The following KCNH1 variants were observed in gnomAD, a reference collection of about 807,000 sequenced individuals.
The protein encoded by KCNH1 is voltage-gated delayed rectifier potassium channel KCNH1.
In KCNH1, 27 loss-of-function variants were observed where a neutral mutation model predicts 69.2. The observed-to-expected ratio is 0.39, with a 90% confidence interval of 0.29 to 0.54. The LOEUF (loss-of-function observed/expected upper bound fraction) is 0.54, where lower values mean the gene tolerates loss of function less well. Ranked by LOEUF, KCNH1 falls within the 20% of genes least tolerant of loss-of-function variation. The probability of loss-of-function intolerance (pLI) is 0.68; values close to 1 mark genes in which losing one functional copy is unlikely to be tolerated. For synonymous variants in KCNH1, 456 were observed against 487.7 expected (o/e 0.93, Z 0.86); for missense variants, 798 against 1,261.6 (o/e 0.63, Z 5.57).
At chr1:211,044,246 C>G (rs558480042) in intron 5 of KCNH1, among the ~76,000 whole-genome samples, 1 of 152,144 alleles carries the variant, frequency 6.6e-6, no homozygotes, top group South Asian at 2.1e-4. Flanking sequence ...AGTAAAGTGT[C>G]CAGATACAAA....
rs112111849 is a variant in KCNH1 at position 210,757,843 on chromosome 1, T to C, written c.2112+17505A>G. 1.2e-3 allele frequency among the ~76,000 whole-genome samples: 179 copies of C among 152,330 alleles called. 1 individual carries two copies. The highest frequency in any genetic ancestry group is 4.1e-3 in the African/African-American group (170 of 41,572). ...AAATACCATCAGCTATCAAGCCCTGTGGGGGCTCCATAAAGCCTGGATACC... is the reference window on the plus strand; with the variant it reads ...AAATACCATCAGCTATCAAGCCCTGCGGGGGCTCCATAAAGCCTGGATACC... On this transcript the variant is annotated intron_variant, in intron 10 of 10. Coordinates refer to ENST00000271751, the MANE Select transcript of KCNH1 (RefSeq NM_172362.3).
intron 5 of KCNH1, among the ~76,000 whole-genome samples, chr1:211,030,017 G>A (rs1429948333): frequency 6.6e-6 from 1 of 152,146 alleles, no homozygotes; most frequent in Non-Finnish European, 1.5e-5. Context: ...AGAGATTAAA[G>A]AAATGGAGAG....
chr1:211,104,891 G>A (rs1691324368), intron 2 of KCNH1, among the ~76,000 whole-genome samples: 1 of 152,128 alleles, frequency 6.6e-6, no homozygotes, highest in African/African-American at 2.4e-5. Flanking sequence ...GAACCTCAGG[G>A]GTTATCAAGT....
At chr1:211,103,697 T>G in intron 2 of KCNH1, 95 bp from the exon 3 acceptor site, 1 of 763,638 alleles carries the variant, frequency 1.3e-6, no homozygotes, top group South Asian at 1.8e-5. Flanking sequence ...CACTGTGCTA[T>G]GTACTGTGGA....
At chr1:211,099,327 T>G (rs1207520480) in intron 3 of KCNH1, among the ~76,000 whole-genome samples, 1 of 152,152 alleles carries the variant, frequency 6.6e-6, no homozygotes, top group Non-Finnish European at 1.5e-5. Context: ...TTATATTTTT[T>G]GCATGCATTC....
At chr1:210,970,165 G>T (rs1461410242) in intron 6 of KCNH1, among the ~76,000 whole-genome samples, 1 of 151,892 alleles carries the variant, frequency 6.6e-6, no homozygotes, top group Non-Finnish European at 1.5e-5. Context: ...TGTCACATAG[G>T]TATACCTGTG....
chr1:210,915,681 G>T (rs1687320551), intron 7 of KCNH1, among the ~76,000 whole-genome samples: 1 of 152,150 alleles, frequency 6.6e-6, no homozygotes, highest in African/African-American at 2.4e-5. Flanking sequence ...ACTCATTTTA[G>T]TCAACTGTTT....
intron 7 of KCNH1, chr1:210,861,392 A>T (rs895696892): frequency 1.3e-6 from 1 of 778,096 alleles, no homozygotes; most frequent in East Asian, 2.4e-5. Context: ...ACCAACAACA[A>T]ATTCCTTCAG....
At chr1:211,025,952 T>C (rs1689675247) in intron 5 of KCNH1, among the ~76,000 whole-genome samples, 1 of 152,186 alleles carries the variant, frequency 6.6e-6, no homozygotes, top group Non-Finnish European at 1.5e-5. Flanking sequence ...TCACCAATAG[T>C]CTGGGCTTCT....
intron 7 of KCNH1, among the ~76,000 whole-genome samples, chr1:210,917,389 G>T (rs1026613760): frequency 6.6e-6 from 1 of 151,990 alleles, no homozygotes; most frequent in African/African-American, 2.4e-5. Flanking sequence ...CAGAAGGTGG[G>T]AAGAGAAAAG....
intron 7 of KCNH1, among the ~76,000 whole-genome samples, chr1:210,813,101 T>G (rs142983890): frequency 1.7e-3 from 257 of 152,316 alleles, no homozygotes; most frequent in Non-Finnish European, 3.1e-3. Context: ...ACATAGAGAC[T>G]CCTGATGTTA....
At chr1:210,872,062 T>C (rs1326547713) in intron 7 of KCNH1, among the ~76,000 whole-genome samples, 2 of 141,446 alleles carry the variant, frequency 1.4e-5, no homozygotes, top group African/African-American at 5.3e-5. Context: ...TAATAATAAA[T>C]TAAAAAAAAC....
intron 6 of KCNH1, among the ~76,000 whole-genome samples, chr1:210,965,577 C>G (rs10863871): frequency 2.0e-5 from 3 of 151,436 alleles, no homozygotes; most frequent in African/African-American, 7.3e-5. Context: ...ACTATACTAC[C>G]AACTATACAC....
intron 6 of KCNH1, among the ~76,000 whole-genome samples, chr1:210,999,896 A>G (rs1487135161): frequency 6.6e-6 from 1 of 152,254 alleles, no homozygotes; most frequent in Non-Finnish European, 1.5e-5. Context: ...GCATATAAAC[A>G]GAACCAAAGA....
In KCNH1 at chr1:210,917,231, GAAAGAAAGAA is replaced by G. The variant is rs763412793; in HGVS notation, c.1462+2399_1462+2408del. ...ACAGAGAGAGAGAGAGAGAGAGAGAGAAAGAAAGAAAGAAAGAAAGAAAGAAAGAAAGAAA... is the reference window on the plus strand; with the variant it reads ...ACAGAGAGAGAGAGAGAGAGAGAGAGAGAAAGAAAGAAAGAAAGAAAGAAA... On this transcript the variant is annotated intron_variant, in intron 7 of 10. Transcript: ENST00000271751. 9.0e-3 allele frequency among the ~76,000 whole-genome samples: 758 copies of G among 83,810 alleles called. 5 individuals are homozygous for G. The highest frequency in any genetic ancestry group is 0.014 in the South Asian group (34 of 2,454). The allele number at this position is 83,810 out of a possible 152,430, so 55.0% of individuals were successfully genotyped here.
intron 5 of KCNH1, among the ~76,000 whole-genome samples, chr1:211,031,549 T>A (rs1689785286): frequency 6.6e-6 from 1 of 152,162 alleles, no homozygotes; most frequent in Admixed American, 6.5e-5. Context: ...TCCATGATCA[T>A]GATCATGAAA....
intron 7 of KCNH1, among the ~76,000 whole-genome samples, chr1:210,806,836 A>AAATATATAT (rs1553346591): frequency 3.5e-5 from 3 of 85,676 alleles, no homozygotes; most frequent in Admixed American, 1.3e-4. Flanking sequence ...AAAAAAAAAA[A>AAATATATAT]ATATATATAT....
intron 7 of KCNH1, among the ~76,000 whole-genome samples, chr1:210,907,005 T>C (rs1687116600): frequency 6.6e-6 from 1 of 152,190 alleles, no homozygotes; most frequent in Non-Finnish European, 1.5e-5. Flanking sequence ...ATCAAAATGT[T>C]AAACTTCTGG....
rs141389535 is a variant in KCNH1 at position 211,115,616 on chromosome 1, C to T, written c.80-8239G>A. Among the ~76,000 whole-genome samples the T allele has an allele frequency of 1.2e-3, 177 of 151,054 alleles. 3 individuals are homozygous for T. The highest frequency in any genetic ancestry group is 2.4e-4 in the Non-Finnish European group (16 of 67,740). ...CTCCAAGTTCTTCAGTTTTGGGACT[C>T]GGACTGGCTCTCCTTGCTCCTCAGC... On this transcript the variant is annotated intron_variant, in intron 1 of 10. Coordinates refer to ENST00000271751, the MANE Select transcript of KCNH1 (RefSeq NM_172362.3).
Sources: gnomAD v4.1 joint callset for allele counts (sites outside exome capture counted in the v4.1 genomes callset) on GRCh38, gnomAD v4.1.1 for gene constraint, MANE v1.5 for transcripts, NCBI Gene and HGNC (gene_info 2026-07-23, HGNC 2026-07-21) for gene names.